The following JAM3 variants were observed in gnomAD, a reference collection of about 807,000 sequenced individuals.
The protein encoded by JAM3 is junctional adhesion molecule C.
A neutral mutation model predicts 39.4 loss-of-function variants in JAM3; 31 were observed. The ratio of observed to expected loss-of-function variants is 0.79; its 90% CI spans 0.59 to 1.06. JAM3 has a LOEUF of 1.06. JAM3 is among the 50% of genes least tolerant of loss of function. The pLI is 0.00. For synonymous variants in JAM3, 182 were observed against 148.7 expected, an observed-to-expected ratio of 1.22 and a Z score of -1.63; for missense variants, 455 against 391.4, an observed-to-expected ratio of 1.16 and a Z score of -1.37.
intron 1 of JAM3, among the ~76,000 whole-genome samples, chr11:134,127,237 G>A (rs866041634): frequency 6.6e-6 from 1 of 152,128 alleles, no homozygotes; most frequent in South Asian, 2.1e-4. Context: ...CCACATCATC[G>A]GTTGTAAATT....
chr11:134,131,866 AAGTT>A (rs1489071922), intron 1 of JAM3, among the ~76,000 whole-genome samples: 1 of 152,238 alleles, frequency 6.6e-6, no homozygotes, highest in Non-Finnish European at 1.5e-5. Flanking sequence ...AGCAAAGTAG[AAGTT>A]AGGACGATTA....
rs946232925 is a variant in JAM3 at position 134,151,205 on chromosome 11, A to G, written c.*2024A>G. The stretch of plus-strand genomic sequence containing the variant: ...ACTTTGACAGCTTTTTTTTAATTGC[A>G]TACATGAGACTGTGTTGACTTTTTT... On this transcript the variant is annotated 3_prime_UTR_variant, in exon 9 of 9. Transcript: ENST00000299106. The G allele has an allele frequency of 2.6e-5, 4 of 152,210 alleles. No individual in the cohort carries two copies. The highest frequency in any genetic ancestry group is 5.9e-5 in the Non-Finnish European group (4 of 68,046). The allele number at this position is 152,210 out of a possible 1,614,324, so 9.4% of individuals were successfully genotyped here.
At chr11:134,140,009 T>A in intron 2 of JAM3, 93 bp downstream of exon 2, 1 of 1,022,744 alleles carries the variant, frequency 9.8e-7, no homozygotes, top group Non-Finnish European at 1.5e-6. Flanking sequence ...TCTCTGTAAG[T>A]GTGCCAGGGA....
intron 1 of JAM3, among the ~76,000 whole-genome samples, chr11:134,115,019 G>T (rs1468118315): frequency 6.6e-6 from 1 of 152,102 alleles, no homozygotes; most frequent in Non-Finnish European, 1.5e-5. Context: ...ATATTTTGAA[G>T]CTCTGTTACT....
intron 1 of JAM3, among the ~76,000 whole-genome samples, chr11:134,134,543 T>A (rs1442688662): frequency 6.6e-6 from 1 of 152,160 alleles, no homozygotes; most frequent in African/African-American, 2.4e-5. Flanking sequence ...GTACAGTATT[T>A]GGATTGTATA....
chr11:134,139,075 T>C (rs1458474867), intron 1 of JAM3, among the ~76,000 whole-genome samples: 1 of 152,186 alleles, frequency 6.6e-6, no homozygotes, highest in Non-Finnish European at 1.5e-5. Context: ...AAGAATAATA[T>C]TTTGTAGGTA....
intron 1 of JAM3, among the ~76,000 whole-genome samples, chr11:134,120,469 G>C (rs936625461): frequency 1.3e-5 from 2 of 152,200 alleles, no homozygotes; most frequent in Non-Finnish European, 2.9e-5. Flanking sequence ...TTGGCTTACT[G>C]TAATGAGTAT....
chr11:134,088,743 C>G (rs942981222), intron 1 of JAM3, among the ~76,000 whole-genome samples: 5 of 4,602 alleles, frequency 1.1e-3, no homozygotes, highest in African/African-American at 0.011. Context: ...TGGGCTTGGT[C>G]TGCACATTAA....
At chr11:134,121,384 C>G (rs116426391) in intron 1 of JAM3, among the ~76,000 whole-genome samples, 3 of 151,700 alleles carry the variant, frequency 2.0e-5, no homozygotes, top group Non-Finnish European at 4.4e-5. Context: ...TCTGAGGAGC[C>G]GTGTGAGCTA....
intron 6 of JAM3, 120 bp from the exon 7 acceptor site, chr11:134,148,427 G>A: frequency 1.6e-6 from 2 of 1,218,164 alleles, no homozygotes; most frequent in Non-Finnish European, 2.4e-6. Context: ...GCTGGGGTAG[G>A]CCTGAGGGGG....
At chr11:134,141,601 G>A (rs893962906) in intron 3 of JAM3, among the ~76,000 whole-genome samples, 11 of 152,134 alleles carry the variant, frequency 7.2e-5, no homozygotes, top group African/African-American at 2.7e-4. Context: ...TGAAGTGGCT[G>A]CTGTAGAGAA....
chr11:134,131,849 AAG>A (rs1418844219), intron 1 of JAM3, among the ~76,000 whole-genome samples: 1 of 152,188 alleles, frequency 6.6e-6, no homozygotes, highest in Non-Finnish European at 1.5e-5. Flanking sequence ...AGATAGAAGA[AAG>A]AACTAGCAAA....
At chr11:134,117,384 A>AAAG (rs59127347) in intron 1 of JAM3, among the ~76,000 whole-genome samples, 59,682 of 151,530 alleles carry the variant, frequency 0.39, 12,762 homozygotes, top group African/African-American at 0.58. Context: ...CATCTCAAAA[A>AAAG]AAGAAAAACA....
At chr11:134,099,237 TG>T (rs571738860) in intron 1 of JAM3, among the ~76,000 whole-genome samples, 87 of 152,152 alleles carry the variant, frequency 5.7e-4, no homozygotes, top group African/African-American at 1.9e-3. Flanking sequence ...CCAGGTTGCA[TG>T]GGGGAGGAAT....
At chr11:134,105,960 G>A (rs555486208) in intron 1 of JAM3, among the ~76,000 whole-genome samples, 34 of 152,228 alleles carry the variant, frequency 2.2e-4, no homozygotes, top group African/African-American at 7.7e-4. Context: ...TCCCCATCAA[G>A]CTACCAATGA....
At chr11:134,070,132 C>A in intron 1 of JAM3, 1 of 456,182 alleles carries the variant, frequency 2.2e-6, no homozygotes, top group South Asian at 1.5e-5. Flanking sequence ...TTACTCCTTT[C>A]AGCAGCTCTG....
chr11:134,106,693 A>T (rs1234224169), intron 1 of JAM3, among the ~76,000 whole-genome samples: 8 of 152,250 alleles, frequency 5.3e-5, no homozygotes, highest in Non-Finnish European at 8.8e-5. Flanking sequence ...ACACTTCTCA[A>T]AAGAAAACAT....
intron 1 of JAM3, among the ~76,000 whole-genome samples, chr11:134,136,538 A>G (rs1305078317): frequency 6.6e-6 from 1 of 152,202 alleles, no homozygotes; most frequent in Admixed American, 6.5e-5. Flanking sequence ...TTTAAGGATT[A>G]TTTGGAAATA....
intron 1 of JAM3, among the ~76,000 whole-genome samples, chr11:134,131,241 C>T (rs563541545): frequency 2.9e-4 from 9 of 30,856 alleles, no homozygotes; most frequent in East Asian, 2.4e-3. Context: ...TTTGGGGGGG[C>T]GGGGGGGTGG....
Sources: allele counts gnomAD v4.1 joint callset (sites outside exome capture counted in the v4.1 genomes callset), GRCh38; gene constraint gnomAD v4.1.1; transcripts MANE v1.5; gene names NCBI Gene and HGNC (gene_info 2026-07-23, HGNC 2026-07-21).